Variants in IDE observed in about 807,000 individuals in gnomAD.
IDE encodes the protein insulin-degrading enzyme.
IDE carries 58 observed loss-of-function variants against 133.2 expected under a neutral mutation model. The ratio of observed to expected loss-of-function variants is 0.44; its 90% CI spans 0.35 to 0.54. The LOEUF (loss-of-function observed/expected upper bound fraction) is 0.54. Among genes scored for constraint, IDE ranks in the 20% least tolerant of loss-of-function variants. IDE has a pLI of 0.00. For synonymous variants in IDE, 396 were observed against 421.3 expected (o/e 0.94, Z 0.73); for missense variants, 981 against 1,234.0 (o/e 0.79, Z 3.07).
Position 92,454,263 on chromosome 10 carries a change from A to G in IDE, c.*181T>C, listed in dbSNP as rs778615442. On this transcript the variant is annotated 3_prime_UTR_variant, in exon 25 of 25. Coordinates refer to ENST00000265986, the MANE Select transcript of IDE (RefSeq NM_004969.4). Reference sequence around the variant, plus strand: ...GGCATGTATTTAAAAAATATTCTACATCTATAAGATTTTGTAATTTACTTT... The same window carrying G: ...GGCATGTATTTAAAAAATATTCTACGTCTATAAGATTTTGTAATTTACTTT... The G allele has an allele frequency of 2.0e-6, 1 of 490,824 alleles. No individual in the cohort carries two copies. The highest frequency in any genetic ancestry group is 3.6e-6 in the Non-Finnish European group (1 of 274,882). 30.4% of individuals were successfully genotyped at this position (490,824 alleles called of 1,614,324 possible).
intron 1 of IDE, among the ~76,000 whole-genome samples, chr10:92,538,478 G>T (rs1041477341): frequency 6.6e-6 from 1 of 152,234 alleles, no homozygotes; most frequent in African/African-American, 2.4e-5. Context: ...CAAAAAGTTG[G>T]AAGGACCCCA....
chr10:92,462,318 A>T (rs1330700234), intron 21 of IDE, among the ~76,000 whole-genome samples: 1 of 60,802 alleles, frequency 1.6e-5, no homozygotes, highest in Non-Finnish European at 3.2e-5. Context: ...ACTGTCTCAT[A>T]AAAAAAAAAA....
intron 19 of IDE, 117 bp from the exon 20 acceptor site, chr10:92,465,960 G>A (rs1845660305): frequency 2.4e-6 from 2 of 841,596 alleles, no homozygotes; most frequent in African/African-American, 3.4e-5. Flanking sequence ...AGAAAAGGGA[G>A]GTAGAGAAGC....
chr10:92,516,688 C>T lies in IDE; in HGVS notation c.662-1646G>A, dbSNP rs1471311422. Among the ~76,000 whole-genome samples the T allele has an allele frequency of 2.0e-5, 3 of 152,186 alleles. No homozygotes were observed. In the East Asian group the frequency reaches 5.8e-4, roughly 29 times the overall value. On this transcript the variant is annotated intron_variant, in intron 4 of 24. Transcript: ENST00000265986. Reference sequence around the variant, plus strand: ...GATTTTTTTAGAACTTGCCAAGTTACTTGTGGAAAGAAATTTACTATTTTG... The same window carrying T: ...GATTTTTTTAGAACTTGCCAAGTTATTTGTGGAAAGAAATTTACTATTTTG...
At position 92,483,352 on chromosome 10, in the gene IDE, C is replaced by A; in HGVS notation, c.1657-15G>T. On this transcript the variant is annotated splice_polypyrimidine_tract_variant and intron_variant, in intron 13 of 24. Transcript: ENST00000265986. ...ATAGCTGTATCCTGTGATGGAGAAA[C>A]AATTTGGTTAGGGAAATAGAGGCGC... 1 of 1,516,740 alleles carries A rather than the reference C, an allele frequency of 6.6e-7. No homozygotes were observed. The highest frequency in any genetic ancestry group is 9.1e-7 in the Non-Finnish European group (1 of 1,093,558). 94.0% of individuals were successfully genotyped at this position (1,516,740 alleles called of 1,614,324 possible).
At chr10:92,534,437 C>T in intron 3 of IDE, 141 bp downstream of exon 3, 2 of 595,680 alleles carry the variant, frequency 3.4e-6, no homozygotes, top group African/African-American at 1.9e-5. Context: ...CTCATTTTTT[C>T]TTTTTCAGAA....
chr10:92,562,190 G>T (rs552296748), intron 1 of IDE, among the ~76,000 whole-genome samples: 4 of 152,122 alleles, frequency 2.6e-5, no homozygotes. Flanking sequence ...AATAACAACT[G>T]CAAAACATAT....
intron 1 of IDE, among the ~76,000 whole-genome samples, chr10:92,547,662 C>T (rs1051535306): frequency 6.6e-6 from 1 of 152,118 alleles, no homozygotes; most frequent in Middle Eastern, 3.2e-3. Context: ...GAATGCTCAA[C>T]CTGTATTCTG....
At chr10:92,552,332 T>A (rs974971533) in intron 1 of IDE, among the ~76,000 whole-genome samples, 1 of 152,200 alleles carries the variant, frequency 6.6e-6, no homozygotes, top group Admixed American at 6.5e-5. Flanking sequence ...AGTGTTCTCA[T>A]TGTTGGAAAA....
rs1465712483 is a variant in IDE at position 92,459,370 on chromosome 10, CACT to C, written c.2823+1818_2823+1820del. 2.6e-5 allele frequency among the ~76,000 whole-genome samples: 4 copies of C among 152,264 alleles called. No homozygotes were observed. The East Asian group carries it at 7.7e-4, about 29-fold the overall frequency. ...AAAATGTGATCAAGCCTCATTGTAC[CACT>C]AACTTCACAAAGTCATTCTAATGAG... On this transcript the variant is annotated intron_variant, in intron 22 of 24. Coordinates refer to ENST00000265986, the MANE Select transcript of IDE (RefSeq NM_004969.4).
intron 4 of IDE, among the ~76,000 whole-genome samples, chr10:92,530,678 T>C (rs151182453): frequency 0.012 from 1,878 of 152,312 alleles, 136 homozygotes; most frequent in Admixed American, 0.11. Flanking sequence ...AAATTCAGCA[T>C]TATGTAGACA....
intron 1 of IDE, among the ~76,000 whole-genome samples, chr10:92,555,925 G>A (rs1184429972): frequency 2.6e-5 from 4 of 152,176 alleles, no homozygotes; most frequent in Non-Finnish European, 2.9e-5. Flanking sequence ...TGTAATCCCA[G>A]CACTTTGGGA....
intron 1 of IDE, 25 bp from the exon 2 acceptor site, chr10:92,537,575 G>GT (rs552864514): frequency 1.3e-6 from 2 of 1,502,090 alleles, no homozygotes; most frequent in Non-Finnish European, 1.8e-6. Context: ...ATTTTTAATT[G>GT]TTGATTTGTG....
intron 2 of IDE, among the ~76,000 whole-genome samples, chr10:92,535,382 C>T (rs1841945202): frequency 6.6e-6 from 1 of 152,182 alleles, no homozygotes; most frequent in South Asian, 2.1e-4. Flanking sequence ...GGATTATAGG[C>T]TTGAGCCACC....
intron 5 of IDE, among the ~76,000 whole-genome samples, chr10:92,513,399 G>C (rs192221106): frequency 6.6e-6 from 1 of 152,112 alleles, no homozygotes; most frequent in Non-Finnish European, 1.5e-5. Context: ...CGCCATGTTG[G>C]CTGGGCTGGT....
chr10:92,525,211 C>T (rs1849560431), intron 4 of IDE, among the ~76,000 whole-genome samples: 1 of 152,210 alleles, frequency 6.6e-6, no homozygotes, highest in Admixed American at 6.5e-5. Flanking sequence ...CGAGATTGCA[C>T]CATTGCCCTC....
chr10:92,473,866 C>G (rs2135387888), intron 17 of IDE, among the ~76,000 whole-genome samples: 2 of 152,094 alleles, frequency 1.3e-5, no homozygotes, highest in South Asian at 4.2e-4. Flanking sequence ...CCTGTAATCC[C>G]AGCTACTCGG....
chr10:92,515,070 G>A (rs1161621621), intron 4 of IDE, 28 bp from the exon 5 acceptor site: 5 of 1,558,004 alleles, frequency 3.2e-6, no homozygotes, highest in Non-Finnish European at 4.3e-6. Flanking sequence ...GGATTTCTTA[G>A]AAAAAGCAAA....
At chr10:92,493,561 C>T (rs1564621286) in intron 11 of IDE, among the ~76,000 whole-genome samples, 1 of 150,322 alleles carries the variant, frequency 6.7e-6, no homozygotes, top group Non-Finnish European at 1.5e-5. Flanking sequence ...AAAGCAGACA[C>T]TCAGGCTGTG....
Sources: gnomAD v4.1 joint callset for allele counts (sites outside exome capture counted in the v4.1 genomes callset) on GRCh38, gnomAD v4.1.1 for gene constraint, MANE v1.5 for transcripts, NCBI Gene and HGNC (gene_info 2026-07-23, HGNC 2026-07-21) for gene names.